Variants in MYT1L observed in about 807,000 individuals in gnomAD.
MYT1L encodes myelin transcription factor 1 like, also known as myelin transcription factor 1-like protein.
MYT1L carries 12 observed loss-of-function variants against 126.7 expected under a neutral mutation model. That is an observed-to-expected ratio of 0.09 (90% CI 0.06 to 0.15). The LOEUF is 0.15. Ranked by LOEUF, MYT1L falls within the 10% of genes least tolerant of loss-of-function variation. MYT1L has a pLI of 1.00. For synonymous variants in MYT1L, 541 were observed against 604.2 expected, an observed-to-expected ratio of 0.90 and a Z score of 1.53; for missense variants, 979 against 1,585.2, an observed-to-expected ratio of 0.62 and a Z score of 6.49.
intron 21 of MYT1L, among the ~76,000 whole-genome samples, chr2:1,812,368 TTTTG>T: frequency 6.6e-6 from 1 of 152,236 alleles, no homozygotes. Flanking sequence ...AAATGCACTT[TTTTG>T]TTCACTGCTC....
intron 22 of MYT1L, among the ~76,000 whole-genome samples, chr2:1,803,930 G>A (rs6714005): frequency 0.014 from 2,081 of 152,264 alleles, 48 homozygotes; most frequent in African/African-American, 0.046. Context: ...GACATCCTGC[G>A]AGCCCCCAGG....
At chr2:2,294,436 G>A (rs2095642755) in intron 1 of MYT1L, among the ~76,000 whole-genome samples, 1 of 152,172 alleles carries the variant, frequency 6.6e-6, no homozygotes, top group South Asian at 2.1e-4. Flanking sequence ...GCTCAGCACA[G>A]CATCACCCAG....
At chr2:2,211,041 C>A (rs2093487296) in intron 2 of MYT1L, among the ~76,000 whole-genome samples, 1 of 152,114 alleles carries the variant, frequency 6.6e-6, no homozygotes, top group Non-Finnish European at 1.5e-5. Flanking sequence ...TCAGTGTTGA[C>A]ATATGGAAAT....
chr2:1,943,393 T>C lies in MYT1L; in HGVS notation c.153-59A>G, dbSNP rs1313661909. ...GAGAAAAAAAATATCTGTGTTACTGTCTTTTAAAATCAGACCAATGGGGGC... is the reference window on the plus strand; with the variant it reads ...GAGAAAAAAAATATCTGTGTTACTGCCTTTTAAAATCAGACCAATGGGGGC... On this transcript the variant is annotated intron_variant, in intron 8 of 24. Transcript: ENST00000647738. This position sits in a 1 kb window ranked among gnomAD's most constrained non-coding sequence, Gnocchi z 4.4. 6.9e-7 allele frequency: 1 copy of C among 1,459,396 alleles called. No homozygotes were observed. The highest frequency in any genetic ancestry group is 9.0e-7 in the Non-Finnish European group (1 of 1,107,834). The allele number at this position is 1,459,396 out of a possible 1,614,324, so 90.4% of individuals were successfully genotyped here. A position where few individuals can be genotyped will look rare whatever the true frequency, so the allele number is the denominator to read the frequency against.
At chr2:2,185,626 C>T (rs1247537519) in intron 2 of MYT1L, among the ~76,000 whole-genome samples, 3 of 109,554 alleles carry the variant, frequency 2.7e-5, no homozygotes, top group South Asian at 2.7e-4. Flanking sequence ...CGCGTTCCTT[C>T]TGTGAGGCGG....
At chr2:2,300,156 TTACTGGA>T (rs1215284661) in intron 1 of MYT1L, among the ~76,000 whole-genome samples, 1 of 152,204 alleles carries the variant, frequency 6.6e-6, no homozygotes, top group Non-Finnish European at 1.5e-5. Flanking sequence ...GACTTATAAG[TTACTGGA>T]AGTAAAACTG....
rs575487436 is a variant in MYT1L, at chr2:2,003,731, C to T, written c.-157-6384G>A. On this transcript the variant is annotated intron_variant, in intron 4 of 24. Transcript: ENST00000647738. ...ATGGGTGCTTAGGGCTGCCGAGCCT[C>T]CTCCATGTCTGCACGCCTTCCTGTG... is the stretch of plus-strand genomic sequence containing the variant. Among the ~76,000 whole-genome samples the T allele has an allele frequency of 3.9e-5, 6 of 152,316 alleles. No homozygotes were observed. The East Asian group carries it at 1.2e-3, about 30-fold the overall frequency.
intron 4 of MYT1L, among the ~76,000 whole-genome samples, chr2:2,043,807 TA>T (rs2067837273): frequency 6.6e-6 from 1 of 152,214 alleles, no homozygotes; most frequent in African/African-American, 2.4e-5. Context: ...ATATGGTACA[TA>T]AAAACTTCTC....
intron 11 of MYT1L, among the ~76,000 whole-genome samples, chr2:1,915,217 T>A (rs948901239): frequency 1.2e-4 from 18 of 152,004 alleles, no homozygotes; most frequent in Non-Finnish European, 1.9e-4. Context: ...AAAAAAAAAA[T>A]TAAAAGCCTT....
intron 2 of MYT1L, among the ~76,000 whole-genome samples, chr2:2,185,941 G>T (rs1180909215): frequency 2.5e-5 from 3 of 120,632 alleles, no homozygotes; most frequent in Non-Finnish European, 5.0e-5. Context: ...TCTGTGAGGC[G>T]GACGCAGCCG....
chr2:2,169,346 T>C (rs906664289), intron 3 of MYT1L, among the ~76,000 whole-genome samples: 1 of 152,212 alleles, frequency 6.6e-6, no homozygotes, highest in African/African-American at 2.4e-5. Flanking sequence ...TGTATTACCA[T>C]GTACAATACT....
chr2:2,120,410 T>C (rs1218336687), intron 3 of MYT1L, among the ~76,000 whole-genome samples: 2 of 152,102 alleles, frequency 1.3e-5, no homozygotes, highest in African/African-American at 2.4e-5. Context: ...GTTTCAAAAA[T>C]AGTACTTACC....
At chr2:2,246,070 G>A (rs1054398505) in intron 2 of MYT1L, among the ~76,000 whole-genome samples, 2 of 152,310 alleles carry the variant, frequency 1.3e-5, no homozygotes, top group African/African-American at 4.8e-5. Context: ...GTGTTTGTGG[G>A]AATTTGTTGC....
chr2:1,968,829 C>T (rs568602039), intron 8 of MYT1L, among the ~76,000 whole-genome samples: 1 of 152,198 alleles, frequency 6.6e-6, no homozygotes, highest in Non-Finnish European at 1.5e-5. Context: ...CTCTCAGACC[C>T]CATCCTGTCC....
At chr2:2,130,793 G>A (rs1176437983) in intron 3 of MYT1L, among the ~76,000 whole-genome samples, 1 of 152,050 alleles carries the variant, frequency 6.6e-6, no homozygotes, top group Non-Finnish European at 1.5e-5. Flanking sequence ...AAAATGAGGG[G>A]AATAATATTA....
intron 3 of MYT1L, among the ~76,000 whole-genome samples, chr2:2,130,288 A>G (rs1242068013): frequency 6.6e-6 from 1 of 152,108 alleles, no homozygotes; most frequent in Non-Finnish European, 1.5e-5. Context: ...TCCACCGAGA[A>G]CACTGGCCAA....
intron 8 of MYT1L, among the ~76,000 whole-genome samples, chr2:1,950,096 T>G (rs75077480): frequency 0.012 from 1,861 of 152,146 alleles, 42 homozygotes; most frequent in African/African-American, 0.042. Flanking sequence ...GGTGACCCTG[T>G]GATGTAGATT....
At chr2:1,858,170 T>C (rs2044149407) in intron 18 of MYT1L, among the ~76,000 whole-genome samples, 1 of 152,386 alleles carries the variant, frequency 6.6e-6, no homozygotes, top group Admixed American at 6.5e-5. Context: ...AGCCTAAATA[T>C]ATTTTTTAAT....
chr2:1,890,157 C>T (rs1000632541), intron 15 of MYT1L, among the ~76,000 whole-genome samples: 2 of 151,778 alleles, frequency 1.3e-5, no homozygotes, highest in African/African-American at 4.8e-5. Flanking sequence ...GCAACCTCCA[C>T]CTCCCAGGTT....
Sources: gnomAD v4.1 joint callset for allele counts (sites outside exome capture counted in the v4.1 genomes callset) on GRCh38, gnomAD v4.1.1 for gene constraint, Gnocchi (gnomAD v3.1) non-coding constraint, MANE v1.5 for transcripts, NCBI Gene and HGNC (gene_info 2026-07-23, HGNC 2026-07-21) for gene names.